The following COPB1 variants were observed in gnomAD, a reference collection of about 807,000 sequenced individuals.
COPB1 encodes the protein coat protein complex I subunit beta 1.
In COPB1, 21 loss-of-function variants were observed where a neutral mutation model predicts 108.7. That is an observed-to-expected ratio of 0.19 (90% confidence interval 0.14 to 0.28). The LOEUF is 0.28. COPB1 is among the 10% of genes least tolerant of loss of function. The probability of loss-of-function intolerance (pLI) is 1.00; values close to 1 mark genes in which losing one functional copy is unlikely to be tolerated. For synonymous variants in COPB1, 378 were observed against 386.8 expected, an observed-to-expected ratio of 0.98 and a Z score of 0.27; for missense variants, 919 against 1,141.3, an observed-to-expected ratio of 0.81 and a Z score of 2.81.
Position 14,498,960 on chromosome 11 carries a change from C to T in COPB1, c.-32G>A. On this transcript the variant is annotated 5_prime_UTR_variant, in exon 2 of 22. Coordinates refer to ENST00000439561, the MANE Select transcript of COPB1 (RefSeq NM_001144061.2). Reference sequence around the variant, plus strand: ...TGGTTATATTATAACCAATCCTTGACACAAGATTTAAGGATGCCAGAAAAT... The same window carrying T: ...TGGTTATATTATAACCAATCCTTGATACAAGATTTAAGGATGCCAGAAAAT... 6.5e-7 allele frequency: 1 copy of T among 1,535,710 alleles called. No homozygotes were observed. The highest frequency in any genetic ancestry group is 8.8e-7 in the Non-Finnish European group (1 of 1,130,286).
intron 12 of COPB1, among the ~76,000 whole-genome samples, 192 bp downstream of exon 12, chr11:14,476,727 T>C (rs1799095337): frequency 2.0e-5 from 3 of 151,222 alleles, no homozygotes; most frequent in African/African-American, 7.3e-5. Flanking sequence ...TCCTTCAGAA[T>C]ACAGGCTAAA....
chr11:14,460,111 A>G (rs1850111282), intron 20 of COPB1, 97 bp downstream of exon 20: 1 of 724,352 alleles, frequency 1.4e-6, no homozygotes, highest in Admixed American at 2.3e-5. Context: ...ATGGTACTGC[A>G]TATTGAATAA....
intron 2 of COPB1, among the ~76,000 whole-genome samples, chr11:14,496,398 A>C (rs2575821): frequency 1 from 152,146 of 152,148 alleles, 76,072 homozygotes; most frequent in Non-Finnish European, 1. Context: ...TTTCTATATG[A>C]CAACAGTGAA....
At position 14,480,808 on chromosome 11, in the gene COPB1, T is replaced by C. The variant is rs1046295892; in HGVS notation, c.1163A>G (p.His388Arg). 6 of 1,614,118 alleles carry C rather than the reference T, an allele frequency of 3.7e-6. No individual in the cohort carries two copies. Among genetic ancestry groups the C allele is most frequent in the East Asian group, 2.2e-5 (1 of 44,864 alleles). The change falls in exon 10 of 22, where the codon CAT (histidine) becomes CGT (arginine). Residue 388 changes from histidine to arginine, a missense_variant. Physicochemically the swap from His to Arg is conservative, Grantham distance 29. This residue lies in a region of COPB1 where 705 missense variants were observed against 817.8 expected (regional missense o/e 0.86). Coordinates refer to ENST00000439561, the MANE Select transcript of COPB1 (RefSeq NM_001144061.2). Reference protein sequence around the residue: ...KYRQLLVRTLHSCSVRFPDMA... With the variant: ...KYRQLLVRTLRSCSVRFPDMA... ...ATCTGGAAATCGGACAGAACAGGAATGCAATGTTCGCACTAGGAGTTGTCT... is the reference window on the plus strand; with the variant it reads ...ATCTGGAAATCGGACAGAACAGGAACGCAATGTTCGCACTAGGAGTTGTCT...
At chr11:14,491,823 C>T (rs2134126139) in intron 4 of COPB1, among the ~76,000 whole-genome samples, 1 of 152,274 alleles carries the variant, frequency 6.6e-6, no homozygotes, top group Admixed American at 6.5e-5. Context: ...AACTGTTGTG[C>T]ATACATTTTA....
At chr11:14,465,986 C>G (rs1343570311) in intron 17 of COPB1, among the ~76,000 whole-genome samples, 1 of 152,118 alleles carries the variant, frequency 6.6e-6, no homozygotes, top group Non-Finnish European at 1.5e-5. Context: ...AGTGAGCTAC[C>G]TGGTCAATCT....
intron 11 of COPB1, among the ~76,000 whole-genome samples, chr11:14,477,489 C>G (rs907776869): frequency 4.0e-5 from 6 of 151,370 alleles, no homozygotes; most frequent in Non-Finnish European, 8.8e-5. Context: ...CCCAGGAGCT[C>G]AAAACCAGCC....
intron 11 of COPB1, chr11:14,478,884 C>T (rs1850590966): frequency 7.7e-6 from 1 of 130,502 alleles, no homozygotes; most frequent in Admixed American, 9.1e-5. Context: ...CTGTCAAAAA[C>T]AAATTCTTAA....
chr11:14,486,301 C>T, intron 7 of COPB1, 66 bp downstream of exon 7: 1 of 1,574,058 alleles, frequency 6.4e-7, no homozygotes, highest in South Asian at 1.1e-5. Context: ...TGAAATGTCA[C>T]TAAATCATGA....
At chr11:14,477,790 G>C (rs1221089770) in intron 11 of COPB1, among the ~76,000 whole-genome samples, 1 of 151,724 alleles carries the variant, frequency 6.6e-6, no homozygotes, top group Non-Finnish European at 1.5e-5. Flanking sequence ...CCAGATACTT[G>C]GGAGGCTGAG....
chr11:14,469,704 T>G, intron 14 of COPB1, 141 bp from the exon 15 acceptor site: 2 of 731,916 alleles, frequency 2.7e-6, no homozygotes, highest in East Asian at 5.4e-5. Flanking sequence ...TCCATATCTG[T>G]TTTTGCATTC....
chr11:14,469,052 T>C (rs1022865034), intron 15 of COPB1, among the ~76,000 whole-genome samples, 192 bp from the exon 16 acceptor site: 4 of 152,172 alleles, frequency 2.6e-5, no homozygotes, highest in African/African-American at 4.8e-5. Flanking sequence ...CGGAGTGCAG[T>C]GGTATGATCA....
intron 2 of COPB1, 27 bp from the exon 3 acceptor site, chr11:14,494,466 AGCAC>A: frequency 7.4e-7 from 1 of 1,348,658 alleles, no homozygotes; most frequent in Non-Finnish European, 1.0e-6. Context: ...TTTAAAAAAA[AGCAC>A]AATTATTTCA....
At chr11:14,474,463 T>G (rs750668881) in intron 14 of COPB1, 32 bp downstream of exon 14, 1 of 1,603,016 alleles carries the variant, frequency 6.2e-7, no homozygotes, top group African/African-American at 1.3e-5. Flanking sequence ...CAATGTTTAA[T>G]TGTTGGTTAA....
chr11:14,474,363 A>C (rs1171667950), intron 14 of COPB1, 132 bp downstream of exon 14: 2 of 725,530 alleles, frequency 2.8e-6, no homozygotes, highest in Non-Finnish European at 4.3e-6. Flanking sequence ...TACTGTGTCC[A>C]CTTCTGCTAT....
At chr11:14,491,271 T>A (rs983115581) in intron 4 of COPB1, among the ~76,000 whole-genome samples, 2 of 152,080 alleles carry the variant, frequency 1.3e-5, no homozygotes. Context: ...TTGTCTCATA[T>A]TCCTGACCTC....
chr11:14,491,489 G>A (rs1565023897), intron 4 of COPB1, among the ~76,000 whole-genome samples: 1 of 152,160 alleles, frequency 6.6e-6, no homozygotes. Flanking sequence ...GACCAACATG[G>A]AGAAACTCCA....
chr11:14,484,578 T>C (rs2134118395), intron 7 of COPB1, among the ~76,000 whole-genome samples: 1 of 152,056 alleles, frequency 6.6e-6, no homozygotes, highest in African/African-American at 2.4e-5. Flanking sequence ...ATTAGCTGGG[T>C]GTGGTGGCAT....
intron 6 of COPB1, 35 bp from the exon 7 acceptor site, chr11:14,486,539 C>A: frequency 6.2e-7 from 1 of 1,604,210 alleles, no homozygotes; most frequent in Non-Finnish European, 8.5e-7. Context: ...CAACCGATTT[C>A]AGGAACGCTT....
Sources: gnomAD v4.1 joint callset for allele counts (sites outside exome capture counted in the v4.1 genomes callset) on GRCh38, gnomAD v4.1.1 for gene constraint, gnomAD v4.1.1 regional missense constraint, MANE v1.5 for transcripts, NCBI Gene and HGNC (gene_info 2026-07-23, HGNC 2026-07-21) for gene names.